SOAT1: variants seen among roughly 807,000 people sequenced by gnomAD.
SOAT1 encodes the protein sterol O-acyltransferase 1.
Under a neutral mutation model 69.5 loss-of-function variants are expected in SOAT1, and 55 were observed. The observed-to-expected ratio is 0.79, with a 90% CI of 0.64 to 0.99. The LOEUF is 0.99. SOAT1 is among the 50% of genes least tolerant of loss of function. The pLI, the probability that SOAT1 is intolerant of heterozygous loss-of-function variation, is 0.00. For missense variants in SOAT1, 580 were observed against 669.3 expected, an observed-to-expected ratio of 0.87 and a Z score of 1.47; for synonymous variants, 231 against 224.7, an observed-to-expected ratio of 1.03 and a Z score of -0.25.
chr1:179,352,460 G>A (rs116208142), intron 15 of SOAT1, among the ~76,000 whole-genome samples: 10 of 147,380 alleles, frequency 6.8e-5, no homozygotes, highest in South Asian at 2.2e-4. Flanking sequence ...CATATAGGGC[G>A]TGTCCTATAT....
chr1:179,314,779 T>G (rs963517118), intron 2 of SOAT1, among the ~76,000 whole-genome samples: 1 of 152,108 alleles, frequency 6.6e-6, no homozygotes, highest in Non-Finnish European at 1.5e-5. Flanking sequence ...TACAAAAATT[T>G]TCATCAAAAC....
At chr1:179,304,682 C>G (rs1019833078) in intron 2 of SOAT1, among the ~76,000 whole-genome samples, 3 of 151,872 alleles carry the variant, frequency 2.0e-5, no homozygotes, top group Non-Finnish European at 2.9e-5. Context: ...TGGAGATAGT[C>G]TCGCTTTGTC....
intron 2 of SOAT1, among the ~76,000 whole-genome samples, chr1:179,323,045 C>CTTTCTTTT (rs1553245424): frequency 4.7e-5 from 6 of 126,736 alleles, no homozygotes; most frequent in African/African-American, 8.9e-5. Context: ...TCTTTTCTTT[C>CTTTCTTTT]TTTTTTTTTT....
At chr1:179,307,894 C>T (rs867532382) in intron 2 of SOAT1, among the ~76,000 whole-genome samples, 5 of 151,898 alleles carry the variant, frequency 3.3e-5, no homozygotes, top group Middle Eastern at 3.4e-3. Context: ...CAGGTTCAAG[C>T]GATTCTCCTC....
Position 179,357,662 on chromosome 1 carries a change from G to C in SOAT1, c.*4021G>C, listed in dbSNP as rs1471511209. ...TAATCCCAGTACTTTGGGAGGCCAA[G>C]GCAGGAGGATTGCTTGAGCTCAGAA... On this transcript the variant is annotated 3_prime_UTR_variant, in exon 16 of 16. Transcript: ENST00000367619. 3 of 152,264 alleles carry C rather than the reference G, an allele frequency of 2.0e-5. No homozygotes were observed. The highest frequency in any genetic ancestry group is 4.8e-5 in the African/African-American group (2 of 41,446). 9.4% of individuals were successfully genotyped at this position (152,264 alleles called of 1,614,324 possible).
At chr1:179,301,452 T>G (rs1027896253) in intron 1 of SOAT1, among the ~76,000 whole-genome samples, 3 of 152,322 alleles carry the variant, frequency 2.0e-5, no homozygotes, top group East Asian at 1.9e-4. Flanking sequence ...CTTTGTAGTT[T>G]GGATCCAACT....
chr1:179,344,961 T>C lies in SOAT1; in HGVS notation c.1002T>C (p.Phe334=). 6.2e-7 allele frequency: 1 copy of C among 1,614,124 alleles called. No individual in the cohort carries two copies. The highest frequency in any genetic ancestry group is 8.5e-7 in the Non-Finnish European group (1 of 1,179,982). ...AMKFAQVFGC[F]FYVYYIFERL... is the part of the protein sequence containing the mutation. ...TTATGTTCCAGGTCTTTGGTTGCTT[T>C]TTCTATGTGTACTACATCTTTGAAA... The change falls in exon 11 of 16, where the codon TTT becomes TTC. Residue 334 remains phenylalanine, a synonymous_variant. Transcript: ENST00000367619.
chr1:179,344,352 G>GTTTTTTTTTTTTTTTTTTTTTTT lies in SOAT1; in HGVS notation c.988-595_988-594insTTTTTTTTTTTTTTTTTTTTTTT, dbSNP rs762911049. On this transcript the variant is annotated intron_variant, in intron 10 of 15. Transcript: ENST00000367619. ...TATGAAGTAAGTTCTTTCATTAAGG[G>GTTTTTTTTTTTTTTTTTTTTTTT]GTTTTTTTTTTTTTTTTTTTTTTTT... 2.5e-5 allele frequency among the ~76,000 whole-genome samples: 3 copies of GTTTTTTTTTTTTTTTTTTTTTTT among 120,524 alleles called. 1 individual carries two copies. Among genetic ancestry groups the GTTTTTTTTTTTTTTTTTTTTTTT allele is most frequent in the Non-Finnish European group, 3.5e-5 (2 of 57,132 alleles). The allele number at this position is 120,524 out of a possible 152,430, so 79.1% of individuals were successfully genotyped here.
At chr1:179,340,820 GAT>G (rs67855683) in intron 6 of SOAT1, among the ~76,000 whole-genome samples, 100,330 of 147,224 alleles carry the variant, frequency 0.68, 34,255 homozygotes, top group Non-Finnish European at 0.74. Flanking sequence ...ATATATTGTT[GAT>G]ATATATATAT....
Position 179,341,038 on chromosome 1 carries a change from G to T in SOAT1, c.508G>T (p.Glu170Ter). The T allele has an allele frequency of 6.2e-7, 1 of 1,613,806 alleles. No homozygotes were observed. Among genetic ancestry groups the T allele is most frequent in the Non-Finnish European group, 8.5e-7 (1 of 1,179,802 alleles). The change falls in exon 7 of 16, where the codon GAG becomes TAG. Residue 170 changes from glutamate (E) to a stop codon, truncating the protein, a stop_gained. Transcript: ENST00000367619. LOFTEE classifies it high-confidence loss of function. Reference sequence around the variant, plus strand: ...ACCTTTTCTCCCCAGGCTGGTGCTTGAGTTCAGCCTCCTGTCTTATGCTTT... The same window carrying T: ...ACCTTTTCTCCCCAGGCTGGTGCTTTAGTTCAGCCTCCTGTCTTATGCTTT... ...DYIDEGRLVLEFSLLSYAFGK... is the reference protein window; with the variant it reads ...DYIDEGRLVL
chr1:179,320,767 G>A (rs904010377), intron 2 of SOAT1, among the ~76,000 whole-genome samples: 3 of 151,788 alleles, frequency 2.0e-5, no homozygotes, highest in East Asian at 1.9e-4. Flanking sequence ...ACAGAGTCTC[G>A]CTCTGTTGCT....
rs773449712 is a variant in SOAT1, at chr1:179,337,864, A to G, written c.357A>G (p.Gly119=). The part of the protein sequence containing the change: ...AKDLRAPPEQ[G]KIFIARRSLL... Reference sequence around the variant, plus strand: ...ATTTGAGAGCACCTCCAGAACAAGGAAAGATTTTTATTGCAAGGCGCTCTC... The same window carrying G: ...ATTTGAGAGCACCTCCAGAACAAGGGAAGATTTTTATTGCAAGGCGCTCTC... The change falls in exon 5 of 16, where the codon GGA becomes GGG. Residue 119 remains glycine, a synonymous_variant. Coordinates refer to ENST00000367619, the MANE Select transcript of SOAT1 (RefSeq NM_003101.6). The G allele has an allele frequency of 1.9e-6, 3 of 1,610,778 alleles. No individual in the cohort carries two copies. The highest frequency in any genetic ancestry group is 1.7e-6 in the Non-Finnish European group (2 of 1,178,402).
chr1:179,342,173 T>C lies in SOAT1; in HGVS notation c.840T>C (p.Asn280=), dbSNP rs1229745133. The change falls in exon 8 of 16, where the codon AAT becomes AAC. Residue 280 remains asparagine (N), a synonymous_variant. Coordinates refer to ENST00000367619, the MANE Select transcript of SOAT1 (RefSeq NM_003101.6). ...FVRENVPRVL[N]SAKEKSSTVP... ...GAGAGAACGTGCCTCGGGTACTAAA[T>C]TCAGCTAAGGAGAAATCAAGTATGT... The C allele has an allele frequency of 6.2e-7, 1 of 1,613,326 alleles. No homozygotes were observed. Among genetic ancestry groups the C allele is most frequent in the South Asian group, 1.1e-5 (1 of 91,034 alleles).
At chr1:179,353,222 T>TAA (rs1666806740) in intron 15 of SOAT1, among the ~76,000 whole-genome samples, 1 of 61,648 alleles carries the variant, frequency 1.6e-5, no homozygotes, top group African/African-American at 5.7e-5. Context: ...TATATATATA[T>TAA]ATCTATTTGT....
intron 2 of SOAT1, among the ~76,000 whole-genome samples, chr1:179,319,884 A>G (rs564118288): frequency 1.1e-4 from 17 of 152,126 alleles, no homozygotes; most frequent in African/African-American, 3.6e-4. Context: ...CCAAAGTGCT[A>G]TGGTTACAGA....
Position 179,342,134 on chromosome 1 carries a change from C to G in SOAT1, c.801C>G (p.Ala267=). 1 of 1,613,308 alleles carries G rather than the reference C, an allele frequency of 6.2e-7. No homozygotes were observed. The highest frequency in any genetic ancestry group is 1.3e-5 in the African/African-American group (1 of 74,984). The change falls in exon 8 of 16, where the codon GCC becomes GCG. Residue 267 remains alanine (A), a synonymous_variant. Transcript: ENST00000367619. The stretch of plus-strand genomic sequence containing the variant: ...TGTAGATTCGTTTTGTAATGAAGGC[C>G]CACTCATTTGTCAGAGAGAACGTGC... ...IFEQIRFVMK[A]HSFVRENVPR... is the part of the protein sequence containing the mutation.
intron 11 of SOAT1, 125 bp from the exon 12 acceptor site, chr1:179,347,475 T>A (rs1056505886): frequency 1.7e-6 from 1 of 600,288 alleles, no homozygotes; most frequent in Non-Finnish European, 3.0e-6. Flanking sequence ...CTGGAATGGG[T>A]AAACTGGAAT....
Position 179,341,051 on chromosome 1 carries a change from T to C in SOAT1, c.521T>C (p.Leu174Pro), listed in dbSNP as rs1262118517. The C allele has an allele frequency of 6.2e-7, 1 of 1,614,178 alleles. No individual in the cohort carries two copies. The highest frequency in any genetic ancestry group is 2.2e-5 in the East Asian group (1 of 44,888). The change falls in exon 7 of 16, where the codon CTG becomes CCG. Residue 174 changes from leucine to proline, a missense_variant. Transcript: ENST00000367619. ...EGRLVLEFSL[L>P]SYAFGKFPTV... ...AGGCTGGTGCTTGAGTTCAGCCTCC[T>C]GTCTTATGCTTTTGGCAAATTTCCT...
intron 11 of SOAT1, among the ~76,000 whole-genome samples, chr1:179,345,428 T>C (rs1571453787): frequency 6.6e-6 from 1 of 152,352 alleles, no homozygotes; most frequent in African/African-American, 2.4e-5. Context: ...TAGAAATTAC[T>C]TGTAGAAATT....
Sources: gnomAD v4.1 joint callset for allele counts (sites outside exome capture counted in the v4.1 genomes callset) on GRCh38, gnomAD v4.1.1 for gene constraint, MANE v1.5 for transcripts, NCBI Gene and HGNC (gene_info 2026-07-23, HGNC 2026-07-21) for gene names.